SLC35F4: variants seen among roughly 807,000 people sequenced by gnomAD.
SLC35F4 encodes chromosome 14 open reading frame 36.
In SLC35F4, 24 loss-of-function variants were observed where a neutral mutation model predicts 44.2. That is an observed-to-expected ratio of 0.54 (90% confidence interval 0.39 to 0.76). The LOEUF is 0.76. Ranked by LOEUF, SLC35F4 falls within the 30% of genes least tolerant of loss-of-function variation. The pLI, the probability that SLC35F4 is intolerant of heterozygous loss-of-function variation, is 0.00. For missense variants in SLC35F4, 562 were observed against 586.1 expected (o/e 0.96, Z 0.42); for synonymous variants, 238 against 223.6 (o/e 1.06, Z -0.57).
chr14:57,822,662 A>AT (rs1386630695), intron 1 of SLC35F4, among the ~76,000 whole-genome samples: 4 of 152,312 alleles, frequency 2.6e-5, no homozygotes, highest in Admixed American at 2.6e-4. Context: ...AAAGCAGTGG[A>AT]TCTTCTGCCT....
intron 1 of SLC35F4, among the ~76,000 whole-genome samples, chr14:57,825,444 A>C (rs1339843174): frequency 6.6e-6 from 1 of 152,032 alleles, no homozygotes; most frequent in Non-Finnish European, 1.5e-5. Flanking sequence ...TTTCAAAAGG[A>C]TCTCTAGGCA....
chr14:57,787,347 T>A (rs890858713), intron 1 of SLC35F4, among the ~76,000 whole-genome samples: 10 of 152,136 alleles, frequency 6.6e-5, no homozygotes, highest in African/African-American at 2.4e-4. Flanking sequence ...TTTGGGGGAA[T>A]AATTGAGGAA....
intron 1 of SLC35F4, among the ~76,000 whole-genome samples, chr14:57,762,823 G>A (rs904586200): frequency 6.6e-6 from 1 of 152,044 alleles, no homozygotes; most frequent in South Asian, 2.1e-4. Flanking sequence ...CCTTGACCTT[G>A]CCAAATAAGC....
intron 1 of SLC35F4, among the ~76,000 whole-genome samples, chr14:57,932,473 C>A (rs143816481): frequency 6.6e-6 from 1 of 152,272 alleles, no homozygotes; most frequent in East Asian, 1.9e-4. Context: ...TTTATCCAAA[C>A]AAAGATACTT....
intron 1 of SLC35F4, among the ~76,000 whole-genome samples, chr14:57,743,591 C>T (rs1374638693): frequency 1.3e-5 from 2 of 152,148 alleles, no homozygotes; most frequent in Non-Finnish European, 1.5e-5. Flanking sequence ...TAATAGCCTA[C>T]CAACCAGAAA....
At chr14:57,939,365 G>A (rs1188193531) in intron 1 of SLC35F4, among the ~76,000 whole-genome samples, 1 of 152,166 alleles carries the variant, frequency 6.6e-6, no homozygotes. Flanking sequence ...CAACCAAGGA[G>A]CATGACCACA....
At chr14:57,633,503 T>C (rs561897534) in intron 1 of SLC35F4, among the ~76,000 whole-genome samples, 65 of 152,270 alleles carry the variant, frequency 4.3e-4, no homozygotes, top group Non-Finnish European at 7.4e-4. Context: ...TACTAACTTT[T>C]AAAAAACTTT....
chr14:57,564,323 T>C lies in SLC35F4; in HGVS notation c.1270A>G (p.Thr424Ala). The C allele has an allele frequency of 6.2e-7, 1 of 1,611,806 alleles. No individual in the cohort carries two copies. The highest frequency in any genetic ancestry group is 8.5e-7 in the Non-Finnish European group (1 of 1,179,026). ...VIFNVVRLAA[T>A]IIICIGFLLM... ...AGAAACCCAATGCAGATGATGATGG[T>C]AGCAGCCAGGCGGACAACATTGAAT... The change falls in exon 8 of 8, where the codon ACC (threonine) becomes GCC (alanine). Residue 424 changes from threonine (T) to alanine (A), a missense_variant. Coordinates refer to ENST00000556826, the MANE Select transcript of SLC35F4 (RefSeq NM_001306087.2).
At chr14:57,661,186 C>T (rs1387047646) in intron 1 of SLC35F4, among the ~76,000 whole-genome samples, 3 of 152,130 alleles carry the variant, frequency 2.0e-5, no homozygotes, top group Non-Finnish European at 4.4e-5. Context: ...CATGGTAACG[C>T]AATCAGTGTC....
chr14:57,753,813 T>C (rs2076937404), intron 1 of SLC35F4, among the ~76,000 whole-genome samples: 1 of 152,074 alleles, frequency 6.6e-6, no homozygotes, highest in Non-Finnish European at 1.5e-5. Flanking sequence ...CCATAAACAC[T>C]GGCCTCCACC....
intron 1 of SLC35F4, among the ~76,000 whole-genome samples, chr14:57,654,111 G>A: frequency 6.6e-6 from 1 of 152,104 alleles, no homozygotes; most frequent in East Asian, 1.9e-4. Flanking sequence ...TACTCATCCA[G>A]TATGGCTTCG....
chr14:57,675,094 G>A (rs1418699032), intron 1 of SLC35F4, among the ~76,000 whole-genome samples: 1 of 152,052 alleles, frequency 6.6e-6, no homozygotes, highest in African/African-American at 2.4e-5. Context: ...TTCATTTATG[G>A]TAGAAAACAA....
At chr14:57,924,125 G>A (rs1257149673) in intron 1 of SLC35F4, among the ~76,000 whole-genome samples, 1 of 152,182 alleles carries the variant, frequency 6.6e-6, no homozygotes, top group Non-Finnish European at 1.5e-5. Flanking sequence ...TGATTGTGAG[G>A]CCTCACCAGC....
At chr14:57,680,579 T>A (rs1054931262) in intron 1 of SLC35F4, among the ~76,000 whole-genome samples, 2 of 152,028 alleles carry the variant, frequency 1.3e-5, no homozygotes, top group African/African-American at 4.8e-5. Flanking sequence ...GGAAGTCAAA[T>A]TGTCTGTTTG....
intron 1 of SLC35F4, among the ~76,000 whole-genome samples, chr14:57,943,257 C>T (rs193046928): frequency 1.2e-3 from 180 of 152,336 alleles, no homozygotes; most frequent in African/African-American, 3.7e-3. Flanking sequence ...TGGGACACAG[C>T]TAAGTTTCTC....
intron 1 of SLC35F4, among the ~76,000 whole-genome samples, chr14:57,605,059 C>T (rs897840571): frequency 2.8e-5 from 4 of 145,086 alleles, no homozygotes; most frequent in South Asian, 4.5e-4. Context: ...AAAGAAGTTA[C>T]GGCTAAGTCC....
At chr14:57,648,545 T>C (rs1215636012) in intron 1 of SLC35F4, among the ~76,000 whole-genome samples, 1 of 152,210 alleles carries the variant, frequency 6.6e-6, no homozygotes, top group Non-Finnish European at 1.5e-5. Flanking sequence ...TGCAGTGAAT[T>C]ACTAGTGGCT....
intron 1 of SLC35F4, among the ~76,000 whole-genome samples, chr14:57,860,805 A>G (rs531497797): frequency 2.6e-5 from 4 of 151,826 alleles, no homozygotes; most frequent in Admixed American, 2.6e-4. Flanking sequence ...TTCTACTGAG[A>G]CCTCTAATTC....
chr14:57,710,328 G>C (rs2075785884), intron 1 of SLC35F4, among the ~76,000 whole-genome samples: 2 of 152,360 alleles, frequency 1.3e-5, no homozygotes, highest in South Asian at 4.1e-4. Context: ...CTAGATTTTA[G>C]AGGATGTATG....
Sources: gnomAD v4.1 joint callset for allele counts (sites outside exome capture counted in the v4.1 genomes callset) on GRCh38, gnomAD v4.1.1 for gene constraint, MANE v1.5 for transcripts, NCBI Gene and HGNC (gene_info 2026-07-23, HGNC 2026-07-21) for gene names.